PDE4B: variants seen among roughly 807,000 people sequenced by gnomAD.
PDE4B encodes the protein phosphodiesterase 4B.
PDE4B carries 20 observed loss-of-function variants against 82.2 expected under a neutral mutation model. The observed-to-expected ratio is 0.24, with a 90% confidence interval of 0.17 to 0.35. PDE4B has a LOEUF of 0.35. Ranked by LOEUF, PDE4B falls within the 10% of genes least tolerant of loss-of-function variation. PDE4B has a pLI of 1.00. For missense variants in PDE4B, 655 were observed against 907.2 expected (o/e 0.72, Z 3.57); for synonymous variants, 320 against 318.9 (o/e 1.00, Z -0.04).
intron 3 of PDE4B, among the ~76,000 whole-genome samples, chr1:66,040,746 G>A (rs774529942): frequency 2.0e-5 from 3 of 151,954 alleles, no homozygotes; most frequent in African/African-American, 7.2e-5. Context: ...TGATCAAGGA[G>A]AGTAAAGGTT....
At chr1:65,892,463 C>T (rs1646862088) in intron 1 of PDE4B, among the ~76,000 whole-genome samples, 1 of 152,008 alleles carries the variant, frequency 6.6e-6, no homozygotes, top group South Asian at 2.1e-4. Flanking sequence ...CCTATTTATG[C>T]CTTATAGTCT....
intron 3 of PDE4B, among the ~76,000 whole-genome samples, chr1:66,128,075 A>G (rs528160257): frequency 6.6e-6 from 1 of 152,302 alleles, no homozygotes; most frequent in South Asian, 2.1e-4. Context: ...ATTTCTAATA[A>G]TACCATGTGT....
chr1:65,986,887 C>T (rs1318886263), intron 3 of PDE4B, among the ~76,000 whole-genome samples: 1 of 152,050 alleles, frequency 6.6e-6, no homozygotes, highest in Admixed American at 6.6e-5. Flanking sequence ...TTATGGGGGA[C>T]TTCATGAAGC....
intron 3 of PDE4B, among the ~76,000 whole-genome samples, chr1:66,146,612 G>A (rs1646278615): frequency 6.6e-6 from 1 of 152,066 alleles, no homozygotes; most frequent in African/African-American, 2.4e-5. Context: ...TCCTGAAGTT[G>A]TGCAATAAAA....
At chr1:65,846,146 C>T (rs1453648716) in intron 1 of PDE4B, among the ~76,000 whole-genome samples, 1 of 152,116 alleles carries the variant, frequency 6.6e-6, no homozygotes, top group African/African-American at 2.4e-5. Flanking sequence ...AGGTTGTTTC[C>T]ACCCAGGAAG....
chr1:65,986,411 C>T (rs1232534984), intron 3 of PDE4B, among the ~76,000 whole-genome samples: 1 of 152,100 alleles, frequency 6.6e-6, no homozygotes, highest in Admixed American at 6.6e-5. Context: ...TGAATTTAGC[C>T]TTAATGGATG....
chr1:65,876,270 A>T, intron 1 of PDE4B, among the ~76,000 whole-genome samples: 1 of 152,122 alleles, frequency 6.6e-6, no homozygotes. Context: ...GTATAATTTA[A>T]TGCTTGTCAA....
chr1:65,914,252 G>A (rs946279566), intron 2 of PDE4B, among the ~76,000 whole-genome samples: 5 of 152,154 alleles, frequency 3.3e-5, no homozygotes, highest in African/African-American at 4.8e-5. Flanking sequence ...GCCTCATACC[G>A]TAGCAAAGCC....
chr1:66,024,870 T>C (rs145394747), intron 3 of PDE4B, among the ~76,000 whole-genome samples: 42 of 152,080 alleles, frequency 2.8e-4, no homozygotes, highest in African/African-American at 9.6e-4. Context: ...AGCCTATCAG[T>C]GTAAAAAAGA....
intron 7 of PDE4B, among the ~76,000 whole-genome samples, chr1:66,319,785 A>G (rs1659273206): frequency 6.6e-6 from 1 of 152,264 alleles, no homozygotes; most frequent in Non-Finnish European, 1.5e-5. Context: ...AAAGTGGTCT[A>G]TAACTGCAAA....
intron 7 of PDE4B, among the ~76,000 whole-genome samples, chr1:66,308,998 C>T (rs1026527680): frequency 1.3e-5 from 2 of 152,062 alleles, no homozygotes; most frequent in Admixed American, 6.6e-5. Flanking sequence ...CATACATTGT[C>T]GATTCAGGAA....
chr1:65,928,808 C>T (rs1014916891), intron 3 of PDE4B, among the ~76,000 whole-genome samples: 1 of 152,130 alleles, frequency 6.6e-6, no homozygotes, highest in Non-Finnish European at 1.5e-5. Flanking sequence ...TTCCAGCTTG[C>T]TTACAGTGGG....
chr1:65,825,805 T>G (rs1490231019), intron 1 of PDE4B, among the ~76,000 whole-genome samples: 1 of 152,082 alleles, frequency 6.6e-6, no homozygotes, highest in Non-Finnish European at 1.5e-5. Context: ...TGAAATGAGC[T>G]TCAAGAATCT....
At chr1:66,005,166 C>T (rs994804255) in intron 3 of PDE4B, among the ~76,000 whole-genome samples, 2 of 152,048 alleles carry the variant, frequency 1.3e-5, no homozygotes, top group East Asian at 1.9e-4. Flanking sequence ...ATACACATTG[C>T]TCCAGATTTA....
At chr1:65,978,840 T>C (rs908406323) in intron 3 of PDE4B, among the ~76,000 whole-genome samples, 1 of 152,236 alleles carries the variant, frequency 6.6e-6, no homozygotes, top group African/African-American at 2.4e-5. Flanking sequence ...TTTATAGGTC[T>C]CTCACCTTGG....
At position 66,374,363 on chromosome 1, in the gene PDE4B, T is replaced by G. The variant is rs2050892164; in HGVS notation, c.*1685T>G. The stretch of plus-strand genomic sequence containing the variant: ...TCAGTTTGTAAAATATGTTTCATGC[T>G]TTCAGTTCAGCATTGTGACTCAGTA... On this transcript the variant is annotated 3_prime_UTR_variant, in exon 17 of 17. Transcript: ENST00000341517. 6.5e-6 allele frequency: 1 copy of G among 152,688 alleles called. No individual in the cohort carries two copies. The highest frequency in any genetic ancestry group is 1.5e-5 in the Non-Finnish European group (1 of 68,046). The allele number at this position is 152,688 out of a possible 1,614,324, so 9.5% of individuals were successfully genotyped here.
chr1:66,268,667 C>CAAA (rs36046564), intron 7 of PDE4B, among the ~76,000 whole-genome samples: 106 of 61,180 alleles, frequency 1.7e-3, no homozygotes, highest in African/African-American at 4.3e-3. Context: ...GACTCCATCT[C>CAAA]AAAAAAAAAA....
At chr1:65,868,804 G>T (rs1365236411) in intron 1 of PDE4B, among the ~76,000 whole-genome samples, 3 of 152,186 alleles carry the variant, frequency 2.0e-5, no homozygotes, top group Non-Finnish European at 4.4e-5. Context: ...GGTTTTCATA[G>T]GAGTGCAAAC....
intron 3 of PDE4B, among the ~76,000 whole-genome samples, chr1:66,165,331 G>GT (rs1646706837): frequency 6.6e-6 from 1 of 152,080 alleles, no homozygotes; most frequent in South Asian, 2.1e-4. Flanking sequence ...GCAAATTGCA[G>GT]TTCATTATTT....
Sources: gnomAD v4.1 joint callset for allele counts (sites outside exome capture counted in the v4.1 genomes callset) on GRCh38, gnomAD v4.1.1 for gene constraint, MANE v1.5 for transcripts, NCBI Gene and HGNC (gene_info 2026-07-23, HGNC 2026-07-21) for gene names.